Variants in DCAF7 observed in about 807,000 individuals in gnomAD.
The protein encoded by DCAF7 is DDB1 and CUL4 associated factor 7.
A neutral mutation model predicts 41.2 loss-of-function variants in DCAF7; 4 were observed. The ratio of observed to expected loss-of-function variants is 0.10; its 90% CI spans 0.05 to 0.22. The LOEUF is 0.22. DCAF7 is among the 10% of genes least tolerant of loss of function. The pLI is 1.00. For synonymous variants in DCAF7, 143 were observed against 164.2 expected, an observed-to-expected ratio of 0.87 and a Z score of 0.99; for missense variants, 131 against 443.2, an observed-to-expected ratio of 0.30 and a Z score of 6.32.
At chr17:63,573,542 T>G (rs1325929437) in intron 1 of DCAF7, among the ~76,000 whole-genome samples, 1 of 151,780 alleles carries the variant, frequency 6.6e-6, no homozygotes, top group Non-Finnish European at 1.5e-5. Flanking sequence ...CTGACCGACA[T>G]GGTGAAACCC....
At chr17:63,587,306 G>C (rs2033687037) in intron 6 of DCAF7, among the ~76,000 whole-genome samples, 2 of 151,336 alleles carry the variant, frequency 1.3e-5, no homozygotes, top group African/African-American at 2.4e-5. Context: ...ATTGTGGTCT[G>C]TCTTCTTCAT....
chr17:63,577,393 G>A (rs975967476), intron 1 of DCAF7, among the ~76,000 whole-genome samples: 3 of 152,142 alleles, frequency 2.0e-5, no homozygotes, highest in Non-Finnish European at 2.9e-5. Context: ...CCTTATTGTG[G>A]ATGTTTACCA....
chr17:63,586,401 G>A (rs1355208580), intron 6 of DCAF7, among the ~76,000 whole-genome samples: 2 of 151,932 alleles, frequency 1.3e-5, no homozygotes, highest in Non-Finnish European at 2.9e-5. Context: ...GTTACAGTGA[G>A]CTGTGATTGT....
chr17:63,574,209 C>G (rs2033537410), intron 1 of DCAF7, among the ~76,000 whole-genome samples: 2 of 152,166 alleles, frequency 1.3e-5, no homozygotes, highest in African/African-American at 2.4e-5. Flanking sequence ...CAGATCCTTC[C>G]TATTCTCCTT....
chr17:63,555,696 A>T (rs1012426727), intron 1 of DCAF7, among the ~76,000 whole-genome samples: 3 of 152,200 alleles, frequency 2.0e-5, no homozygotes, highest in African/African-American at 7.2e-5. Flanking sequence ...GGAATTTAAG[A>T]CATAAAACTC....
chr17:63,586,872 G>A (rs765575497), intron 6 of DCAF7, among the ~76,000 whole-genome samples: 1 of 152,112 alleles, frequency 6.6e-6, no homozygotes, highest in Non-Finnish European at 1.5e-5. Context: ...AGAGCAAGGC[G>A]AAAGTCATCT....
At chr17:63,565,822 C>G (rs968869968) in intron 1 of DCAF7, among the ~76,000 whole-genome samples, 4 of 152,184 alleles carry the variant, frequency 2.6e-5, no homozygotes, top group Admixed American at 2.6e-4. Flanking sequence ...AGCCTCTGGC[C>G]AGGTGCAGTG....
chr17:63,583,298 T>G (rs1011548576), intron 4 of DCAF7, among the ~76,000 whole-genome samples: 1 of 152,226 alleles, frequency 6.6e-6, no homozygotes, highest in African/African-American at 2.4e-5. Context: ...AGCCAATTTC[T>G]ATAGCAGAAT....
intron 1 of DCAF7, among the ~76,000 whole-genome samples, chr17:63,572,083 C>T (rs1034216472): frequency 6.6e-6 from 1 of 152,044 alleles, no homozygotes; most frequent in South Asian, 2.1e-4. Flanking sequence ...GAGATAAGCA[C>T]TGAAAGAAAG....
intron 1 of DCAF7, among the ~76,000 whole-genome samples, chr17:63,559,093 C>T (rs937799692): frequency 6.6e-6 from 1 of 151,268 alleles, no homozygotes; most frequent in East Asian, 2.0e-4. Flanking sequence ...AGGCAGATCA[C>T]GAGGTCAGGA....
Position 63,585,196 on chromosome 17 carries a change from T to G in DCAF7, c.739-15T>G. 1 of 1,609,116 alleles carries G rather than the reference T, an allele frequency of 6.2e-7. No individual in the cohort carries two copies. Among genetic ancestry groups the G allele is most frequent in the Non-Finnish European group, 8.5e-7 (1 of 1,175,718 alleles). On this transcript the variant is annotated splice_polypyrimidine_tract_variant and intron_variant, in intron 5 of 6. Transcript: ENST00000614556. ...ACTCTGATGATCCCAGGCCTTTTACTTGTTATTTCCGCAGGTGGTGATTCT... is the reference window on the plus strand; with the variant it reads ...ACTCTGATGATCCCAGGCCTTTTACGTGTTATTTCCGCAGGTGGTGATTCT...
At chr17:63,580,801 C>A (rs575321449) in intron 4 of DCAF7, among the ~76,000 whole-genome samples, 1 of 152,062 alleles carries the variant, frequency 6.6e-6, no homozygotes, top group Non-Finnish European at 1.5e-5. Context: ...GGATTACAGG[C>A]GTGAGCCACT....
intron 1 of DCAF7, among the ~76,000 whole-genome samples, chr17:63,560,793 A>C (rs1420739008): frequency 2.0e-5 from 3 of 152,246 alleles, no homozygotes; most frequent in African/African-American, 7.2e-5. Context: ...AAAGAGGAAT[A>C]AACAGAAAGG....
intron 1 of DCAF7, among the ~76,000 whole-genome samples, chr17:63,564,302 G>A (rs1022129679): frequency 1.1e-4 from 16 of 152,166 alleles, no homozygotes; most frequent in African/African-American, 3.9e-4. Context: ...GATAAAACTT[G>A]TAAAAATGGA....
intron 1 of DCAF7, among the ~76,000 whole-genome samples, chr17:63,564,757 C>T (rs2033422713): frequency 6.6e-6 from 1 of 152,236 alleles, no homozygotes; most frequent in Non-Finnish European, 1.5e-5. Flanking sequence ...ATGCACCTGT[C>T]TCGGGCTTCA....
At chr17:63,567,826 A>AT (rs1008249646) in intron 1 of DCAF7, among the ~76,000 whole-genome samples, 5 of 150,412 alleles carry the variant, frequency 3.3e-5, no homozygotes, top group Non-Finnish European at 4.4e-5. Flanking sequence ...CACCTGGCTA[A>AT]TTTTTTTTTA....
intron 1 of DCAF7, among the ~76,000 whole-genome samples, chr17:63,578,042 T>C (rs979885129): frequency 6.6e-6 from 1 of 152,176 alleles, no homozygotes. Context: ...TTTTTGATTC[T>C]GCAGTTTAGT....
intron 1 of DCAF7, among the ~76,000 whole-genome samples, chr17:63,574,877 G>T (rs2033544567): frequency 6.6e-6 from 1 of 151,974 alleles, no homozygotes; most frequent in South Asian, 2.1e-4. Flanking sequence ...GGAGGCTGAG[G>T]TGGTAGGATC....
chr17:63,586,861 A>C (rs2033682518), intron 6 of DCAF7, among the ~76,000 whole-genome samples: 1 of 152,226 alleles, frequency 6.6e-6, no homozygotes, highest in Middle Eastern at 3.2e-3. Context: ...AAGCATATTT[A>C]AGAGCAAGGC....
Sources: gnomAD v4.1 joint callset for allele counts (sites outside exome capture counted in the v4.1 genomes callset) on GRCh38, gnomAD v4.1.1 for gene constraint, MANE v1.5 for transcripts, NCBI Gene and HGNC (gene_info 2026-07-23, HGNC 2026-07-21) for gene names.